SYN2: variants seen among roughly 807,000 people sequenced by gnomAD.
SYN2 encodes the protein synapsin II.
A neutral mutation model predicts 50.9 loss-of-function variants in SYN2; 19 were observed. The observed-to-expected ratio is 0.37, with a 90% CI of 0.26 to 0.55. SYN2 has a LOEUF of 0.55. SYN2 is among the 20% of genes least tolerant of loss of function. The pLI is 0.81. For missense variants in SYN2, 587 were observed against 576.4 expected, an observed-to-expected ratio of 1.02 and a Z score of -0.19; for synonymous variants, 255 against 224.9, an observed-to-expected ratio of 1.13 and a Z score of -1.20.
At chr3:12,058,244 C>A (rs307601) in intron 1 of SYN2, among the ~76,000 whole-genome samples, 97,567 of 152,044 alleles carry the variant, frequency 0.64, 33,846 homozygotes, top group South Asian at 0.78. Flanking sequence ...AATATGTTTT[C>A]TTTCCCACAA....
chr3:12,070,651 T>C (rs1215101042), intron 1 of SYN2: 3 of 1,340,180 alleles, frequency 2.2e-6, no homozygotes, highest in Non-Finnish European at 2.1e-6. Flanking sequence ...ATCCAGGCCA[T>C]GCTGTCCCTC....
chr3:12,037,283 CA>C (rs1294998547), intron 1 of SYN2, among the ~76,000 whole-genome samples: 5 of 152,188 alleles, frequency 3.3e-5, no homozygotes, highest in Non-Finnish European at 7.3e-5. Context: ...CCTGCTTCTC[CA>C]GATTCTTCTA....
At chr3:12,085,914 A>C (rs1695690981) in intron 1 of SYN2, among the ~76,000 whole-genome samples, 1 of 152,118 alleles carries the variant, frequency 6.6e-6, no homozygotes, top group Admixed American at 6.5e-5. Context: ...AGAAATAGAT[A>C]AAATAGAGAC....
intron 1 of SYN2, among the ~76,000 whole-genome samples, chr3:12,018,404 G>GT (rs1343748373): frequency 6.6e-6 from 1 of 152,218 alleles, no homozygotes; most frequent in African/African-American, 2.4e-5. Context: ...GATCCTGTGT[G>GT]TATTTCTTGA....
chr3:12,065,553 A>T (rs578204254), intron 1 of SYN2, among the ~76,000 whole-genome samples: 4 of 152,186 alleles, frequency 2.6e-5, no homozygotes, highest in African/African-American at 9.7e-5. Context: ...TTTCAGCAAA[A>T]TGTATGCAGC....
At position 12,159,135 on chromosome 3, in the gene SYN2, T is replaced by A. The variant is rs562827937; in HGVS notation, c.775-2411T>A. ...CGATCTGGAAGCAGAGGGGAAGCAC[T>A]GGGAGAGGGGATGGTGTCAAGGGCA... is the stretch of plus-strand genomic sequence containing the variant. On this transcript the variant is annotated intron_variant, in intron 5 of 12. Coordinates refer to ENST00000621198, the MANE Select transcript of SYN2 (RefSeq NM_133625.6). The A allele has an allele frequency of 2.0e-5, 8 of 402,620 alleles. No individual in the cohort carries two copies. The East Asian group carries it at 2.8e-4, about 14-fold the overall frequency. 24.9% of individuals were successfully genotyped at this position (402,620 alleles called of 1,614,324 possible).
intron 1 of SYN2, among the ~76,000 whole-genome samples, chr3:12,076,172 A>G (rs555560736): frequency 2.1e-3 from 313 of 152,176 alleles, no homozygotes; most frequent in African/African-American, 6.4e-3. Context: ...GCTGCCTTTA[A>G]GCGCTGGGGA....
At chr3:12,172,860 A>G (rs898141799) in intron 10 of SYN2, among the ~76,000 whole-genome samples, 2 of 152,236 alleles carry the variant, frequency 1.3e-5, no homozygotes, top group Non-Finnish European at 2.9e-5. Context: ...GGGAAAAGCC[A>G]AATTCTTTAC....
At chr3:12,155,605 A>T (rs1184759795) in intron 5 of SYN2, among the ~76,000 whole-genome samples, 2 of 152,224 alleles carry the variant, frequency 1.3e-5, no homozygotes, top group African/African-American at 4.8e-5. Context: ...AGAGGGCAGC[A>T]GTGTTCTGGT....
chr3:12,153,271 A>G, intron 5 of SYN2: 1 of 568,986 alleles, frequency 1.8e-6, no homozygotes, highest in Non-Finnish European at 3.2e-6. Context: ...AAGCCAGAAG[A>G]AACACTTGCA....
At chr3:12,048,082 C>T (rs995938994) in intron 1 of SYN2, among the ~76,000 whole-genome samples, 1 of 152,110 alleles carries the variant, frequency 6.6e-6, no homozygotes, top group Admixed American at 6.5e-5. Context: ...TTTTCTGTAA[C>T]CCTAAGTGAA....
rs146674133 is a variant in SYN2, at chr3:12,116,613, C to T, written c.378-24038C>T. Among the ~76,000 whole-genome samples the T allele has an allele frequency of 1.4e-4, 22 of 152,148 alleles. 1 individual carries two copies. The East Asian group carries it at 3.9e-3, about 27-fold the overall frequency. The stretch of plus-strand genomic sequence containing the variant: ...TAAGCTTTATGTGTTTTGTGGAGAA[C>T]GAGGGGAAGAGGCATTAAACAGTCT... On this transcript the variant is annotated intron_variant, in intron 1 of 12. Transcript: ENST00000621198.
At chr3:12,047,386 A>G (rs182793655) in intron 1 of SYN2, among the ~76,000 whole-genome samples, 62 of 152,300 alleles carry the variant, frequency 4.1e-4, no homozygotes, top group African/African-American at 1.4e-3. Context: ...TAGGTCATCT[A>G]CTGAGAAGAA....
chr3:12,185,581 G>T, intron 11 of SYN2: 1 of 985,876 alleles, frequency 1.0e-6, no homozygotes, highest in South Asian at 4.7e-5. Context: ...CAGGTGTTTT[G>T]TACCTATTTC....
intron 1 of SYN2, chr3:12,070,251 C>A: frequency 2.2e-6 from 1 of 456,756 alleles, no homozygotes; most frequent in South Asian, 1.8e-5. Context: ...CCATGCTGGT[C>A]ATTGACAGTG....
chr3:12,168,441 C>A lies in SYN2; in HGVS notation c.1121C>A (p.Ala374Asp). 1 of 1,613,974 alleles carries A rather than the reference C, an allele frequency of 6.2e-7. No individual in the cohort carries two copies. The highest frequency in any genetic ancestry group is 8.5e-7 in the Non-Finnish European group (1 of 1,179,904). Residue 374 changes from alanine to aspartate, a missense_variant, in exon 9 of 13, where the codon GCT (alanine) becomes GAT (aspartate). Physicochemically the swap from Ala to Asp is moderately radical, Grantham distance 126. Coordinates refer to ENST00000621198, the MANE Select transcript of SYN2 (RefSeq NM_133625.6). ...FGGLDICAVK[A>D]VHGKDGKDYI... is the part of the protein sequence containing the mutation. The stretch of plus-strand genomic sequence containing the variant: ...GGCCTGGACATCTGTGCTGTCAAAG[C>A]TGTACATGGCAAAGATGGGAAAGAC...
At chr3:12,032,985 T>C (rs1694412536) in intron 1 of SYN2, among the ~76,000 whole-genome samples, 6 of 120,628 alleles carry the variant, frequency 5.0e-5, no homozygotes, top group African/African-American at 2.0e-4. Flanking sequence ...AGTTTTTCTG[T>C]TCTGTTTTTT....
chr3:12,113,719 C>G (rs79735517), intron 1 of SYN2, among the ~76,000 whole-genome samples: 4,642 of 152,094 alleles, frequency 0.031, 160 homozygotes, highest in East Asian at 0.19. Context: ...TTTTGGTGTT[C>G]GATTTCTTTG....
intron 10 of SYN2, among the ~76,000 whole-genome samples, chr3:12,182,875 TA>T (rs749370594): frequency 5.3e-5 from 8 of 152,230 alleles, no homozygotes; most frequent in Admixed American, 3.9e-4. Flanking sequence ...GAGCCACCTA[TA>T]GTCCAACCCT....
Sources: allele counts gnomAD v4.1 joint callset (sites outside exome capture counted in the v4.1 genomes callset), GRCh38; gene constraint gnomAD v4.1.1; transcripts MANE v1.5; gene names NCBI Gene and HGNC (gene_info 2026-07-23, HGNC 2026-07-21).